Variants in PRDM15 observed in about 807,000 individuals in gnomAD.
PRDM15 encodes the protein PR domain zinc finger protein 15.
Under a neutral mutation model 128.6 loss-of-function variants are expected in PRDM15, and 64 were observed. The ratio of observed to expected loss-of-function variants is 0.50; its 90% CI spans 0.41 to 0.61. The LOEUF (loss-of-function observed/expected upper bound fraction) is 0.61. Among genes scored for constraint, PRDM15 ranks in the 20% least tolerant of loss-of-function variants. PRDM15 has a pLI of 0.00. For missense variants in PRDM15, 1,242 were observed against 1,569.1 expected (o/e 0.79, Z 3.52); for synonymous variants, 615 against 621.8 (o/e 0.99, Z 0.16).
At chr21:41,831,204 G>A (rs2062678523) in intron 11 of PRDM15, among the ~76,000 whole-genome samples, 2 of 152,258 alleles carry the variant, frequency 1.3e-5, no homozygotes, top group South Asian at 4.1e-4. Context: ...CAGCCGCCCT[G>A]CGCCTGTCCC....
rs765911353 is a variant in PRDM15, at chr21:41,828,767, G to A, written c.1367-434C>T. Among the ~76,000 whole-genome samples, 6 of 150,456 alleles carry A rather than the reference G, an allele frequency of 4.0e-5. No individual in the cohort carries two copies. The highest frequency in any genetic ancestry group is 2.6e-4 in the Admixed American group (4 of 15,138). On this transcript the variant is annotated intron_variant, in intron 11 of 23. Coordinates refer to ENST00000398548, the MANE Select transcript of PRDM15 (RefSeq NM_001040424.3). The surrounding 1 kb of genome is among the most constrained non-coding windows in gnomAD (Gnocchi z 5.7). ...CAACCACCCGAGCAACTGACCACCC[G>A]ACCAATGTGGCCGCCCCTGCCCCCA...
chr21:41,866,956 AG>A (rs2064031233), intron 1 of PRDM15, among the ~76,000 whole-genome samples: 1 of 151,958 alleles, frequency 6.6e-6, no homozygotes, highest in African/African-American at 2.4e-5. Flanking sequence ...CAGTACAAAC[AG>A]GGAAAGGTCT....
chr21:41,839,967 G>T, intron 6 of PRDM15, 114 bp from the exon 7 acceptor site: 1 of 774,192 alleles, frequency 1.3e-6, no homozygotes, highest in Non-Finnish European at 2.1e-6. Flanking sequence ...GCCAACCTTT[G>T]TATAGGCAAG....
chr21:41,822,329 CCCCTAGTGAGTCT>C (rs1004448328), intron 14 of PRDM15, among the ~76,000 whole-genome samples: 1 of 152,216 alleles, frequency 6.6e-6, no homozygotes, highest in Non-Finnish European at 1.5e-5. Context: ...CTGGGAAGTC[CCCCTAGTGAGTCT>C]CCCATACCAC....
chr21:41,874,198 G>A (rs577885971), intron 1 of PRDM15, among the ~76,000 whole-genome samples: 4 of 151,776 alleles, frequency 2.6e-5, no homozygotes, highest in Admixed American at 6.6e-5. Flanking sequence ...CCTACTTAAC[G>A]ATGAGGCTTG....
rs1230251615 is a variant in PRDM15, at chr21:41,805,986, T to TATCACC, written c.2653-1378_2653-1373dup. 1.2e-3 allele frequency among the ~76,000 whole-genome samples: 11 copies of TATCACC among 9,448 alleles called. No individual in the cohort carries two copies. In the Admixed American group the frequency reaches 0.017, roughly 15 times the overall value. 6.2% of individuals were successfully genotyped at this position (9,448 alleles called of 152,430 possible). A position where few individuals can be genotyped will look rare whatever the true frequency, so the allele number is the denominator to read the frequency against. On this transcript the variant is annotated intron_variant, in intron 21 of 23. Coordinates refer to ENST00000398548, the MANE Select transcript of PRDM15 (RefSeq NM_001040424.3). ...CCACCACTGCCATTCCTATCACCAC[T>TATCACC]ATCACCACCACCACCACCATCACCA...
chr21:41,804,574 T>C lies in PRDM15; in HGVS notation c.2693A>G (p.Glu898Gly). ...VRIDDLDHLP[E>G]TTTIDASSIG... is the part of the protein sequence containing the mutation. ...GGAGGAGGCGTCGATGGTGGTGGTCTCCGGGAGGTGGTCCAGGTCATCGAT... is the reference window on the plus strand; with the variant it reads ...GGAGGAGGCGTCGATGGTGGTGGTCCCCGGGAGGTGGTCCAGGTCATCGAT... The change falls in exon 22 of 24, where the codon GAG becomes GGG. Residue 898 changes from glutamate to glycine, a missense_variant. By Grantham distance (98) the Glu-to-Gly change is moderately conservative. Coordinates refer to ENST00000398548, the MANE Select transcript of PRDM15 (RefSeq NM_001040424.3). 1.3e-6 allele frequency: 2 copies of C among 1,571,956 alleles called. No individual in the cohort carries two copies. The highest frequency in any genetic ancestry group is 2.3e-5 in the South Asian group (2 of 85,380).
chr21:41,820,595 G>A (rs894930490), intron 16 of PRDM15, among the ~76,000 whole-genome samples: 3 of 152,222 alleles, frequency 2.0e-5, no homozygotes, highest in Non-Finnish European at 2.9e-5. Context: ...TGCCGCCACC[G>A]TGACCCCTGA....
Position 41,810,152 on chromosome 21 carries a change from A to T in PRDM15, c.2652+2T>A. The T allele has an allele frequency of 6.2e-7, 1 of 1,602,746 alleles. No homozygotes were observed. Among genetic ancestry groups the T allele is most frequent in the Non-Finnish European group, 8.5e-7 (1 of 1,175,294 alleles). Reference sequence around the variant, plus strand: ...ACGGAGGGGGCACAGCCACCAGCTCACCTCGGGGTGCTTGCGCCGCATGTG... The same window carrying T: ...ACGGAGGGGGCACAGCCACCAGCTCTCCTCGGGGTGCTTGCGCCGCATGTG... On this transcript the variant is annotated splice_donor_variant, in intron 21 of 23. Coordinates refer to ENST00000398548, the MANE Select transcript of PRDM15 (RefSeq NM_001040424.3). LOFTEE classifies it high-confidence loss of function. This position sits in a 1 kb window ranked among gnomAD's most constrained non-coding sequence, Gnocchi z 6.4.
At chr21:41,835,936 T>C (rs925309969) in intron 10 of PRDM15, among the ~76,000 whole-genome samples, 177 bp downstream of exon 10, 26 of 25,246 alleles carry the variant, frequency 1.0e-3, no homozygotes, top group Admixed American at 2.0e-3. Context: ...CCCCACAGGG[T>C]TTGGCCGCTC....
chr21:41,839,897 C>T (rs760679754), intron 6 of PRDM15, 44 bp from the exon 7 acceptor site: 3 of 1,533,292 alleles, frequency 2.0e-6, no homozygotes, highest in Admixed American at 3.4e-5. Context: ...AGGAAGCCTG[C>T]CACCGTCCAC....
rs1464887632 is a variant in PRDM15 at position 41,829,546 on chromosome 21, CAACA to C, written c.1367-1217_1367-1214del. On this transcript the variant is annotated intron_variant, in intron 11 of 23. Coordinates refer to ENST00000398548, the MANE Select transcript of PRDM15 (RefSeq NM_001040424.3). ...TAATCACACACCACACAGATACACTCAACATACACCACATACACAACCCACAAAC... is the reference window on the plus strand; with the variant it reads ...TAATCACACACCACACAGATACACTCTACACCACATACACAACCCACAAAC... Among the ~76,000 whole-genome samples the C allele has an allele frequency of 2.8e-5, 4 of 144,846 alleles. No homozygotes were observed. In the East Asian group the frequency reaches 9.1e-4, roughly 33 times the overall value.
intron 5 of PRDM15, 140 bp from the exon 6 acceptor site, chr21:41,847,331 T>C (rs1012626777): frequency 3.4e-6 from 2 of 596,342 alleles, no homozygotes; most frequent in African/African-American, 3.7e-5. Flanking sequence ...CTGTGGTCAC[T>C]CCACATGACA....
At position 41,872,704 on chromosome 21, in the gene PRDM15, T is replaced by C. The variant is rs544097409; in HGVS notation, c.-10+6566A>G. ...TGTGCACACATTTTGTTTGCTACCA[T>C]TGTGCGGGCCAGAGGTGGTGGTTCA... On this transcript the variant is annotated intron_variant, in intron 1 of 23. Coordinates refer to ENST00000398548, the MANE Select transcript of PRDM15 (RefSeq NM_001040424.3). Among the ~76,000 whole-genome samples the C allele has an allele frequency of 2.6e-5, 4 of 152,288 alleles. No individual in the cohort carries two copies. The East Asian group carries it at 5.8e-4, about 22-fold the overall frequency.
intron 8 of PRDM15, 146 bp from the exon 9 acceptor site, chr21:41,836,795 C>T: frequency 3.3e-6 from 2 of 615,328 alleles, no homozygotes; most frequent in Non-Finnish European, 5.7e-6. Context: ...CCGGGCGTCA[C>T]TCCCAGCTTC....
Position 41,839,835 on chromosome 21 carries a change from A to G in PRDM15, c.659T>C (p.Leu220Ser). 1 of 1,614,158 alleles carries G rather than the reference A, an allele frequency of 6.2e-7. No homozygotes were observed. Among genetic ancestry groups the G allele is most frequent in the Non-Finnish European group, 8.5e-7 (1 of 1,180,036 alleles). ...QLLNEHLLGH[L>S]EQAKSLPPGS... ...TGGAGGAAGGCTTTTGGCTTGTTCT[A>G]AGTGGCCCAACAGATGTTCTGCAAA... is the stretch of plus-strand genomic sequence containing the variant. Residue 220 changes from leucine (L) to serine (S), a missense_variant, in exon 7 of 24, where the codon TTA (leucine) becomes TCA (serine). Leu to Ser is a moderately radical substitution (Grantham distance 145, BLOSUM62 -2). Coordinates refer to ENST00000398548, the MANE Select transcript of PRDM15 (RefSeq NM_001040424.3).
At chr21:41,822,596 A>C (rs1013927979) in intron 14 of PRDM15, among the ~76,000 whole-genome samples, 3 of 152,232 alleles carry the variant, frequency 2.0e-5, no homozygotes, top group Non-Finnish European at 4.4e-5. Context: ...AAATGCGACC[A>C]GTTGTCAACT....
intron 18 of PRDM15, among the ~76,000 whole-genome samples, chr21:41,818,613 T>C (rs1165578240): frequency 6.6e-6 from 1 of 152,090 alleles, no homozygotes; most frequent in Non-Finnish European, 1.5e-5. Flanking sequence ...CTTTTAGGCT[T>C]TGACACGCAG....
intron 21 of PRDM15, 51 bp from the exon 22 acceptor site, chr21:41,804,665 G>A: frequency 7.0e-7 from 1 of 1,434,232 alleles, no homozygotes; most frequent in Non-Finnish European, 9.3e-7. Flanking sequence ...GCTGATGCAG[G>A]TGGGAACCCA....
Sources: allele counts gnomAD v4.1 joint callset (sites outside exome capture counted in the v4.1 genomes callset), GRCh38; gene constraint gnomAD v4.1.1; non-coding constraint Gnocchi (gnomAD v3.1); transcripts MANE v1.5; gene names NCBI Gene and HGNC (gene_info 2026-07-23, HGNC 2026-07-21).